FAM178B: variants seen among roughly 807,000 people sequenced by gnomAD.
FAM178B encodes the protein protein FAM178B.
A neutral mutation model predicts 91.7 loss-of-function variants in FAM178B; 82 were observed. The ratio of observed to expected loss-of-function variants is 0.89; its 90% CI spans 0.75 to 1.07. The LOEUF is 1.07. FAM178B is among the 50% of genes least tolerant of loss of function. The pLI is 0.00. For synonymous variants in FAM178B, 368 were observed against 359.4 expected, an observed-to-expected ratio of 1.02 and a Z score of -0.27; for missense variants, 769 against 846.7, an observed-to-expected ratio of 0.91 and a Z score of 1.14.
chr2:96,934,682 A>G (rs2081596025), intron 8 of FAM178B, among the ~76,000 whole-genome samples: 1 of 152,192 alleles, frequency 6.6e-6, no homozygotes, highest in Non-Finnish European at 1.5e-5. Flanking sequence ...GTGTCTAGGG[A>G]GACACTGCGA....
At chr2:96,966,619 G>A (rs896908127) in intron 5 of FAM178B, among the ~76,000 whole-genome samples, 4 of 152,162 alleles carry the variant, frequency 2.6e-5, no homozygotes, top group Non-Finnish European at 4.4e-5. Context: ...ATGGACACAT[G>A]GACAAATGGG....
At chr2:96,967,078 A>AGC (rs927046161) in intron 5 of FAM178B, among the ~76,000 whole-genome samples, 4 of 152,154 alleles carry the variant, frequency 2.6e-5, no homozygotes, top group Non-Finnish European at 5.9e-5. Flanking sequence ...AGATGAAGCC[A>AGC]GCCCTCCCTC....
At chr2:96,876,426 C>G (rs543151045) in intron 16 of FAM178B, 118 bp from the exon 17 acceptor site, 21 of 1,297,620 alleles carry the variant, frequency 1.6e-5, no homozygotes, top group East Asian at 2.5e-5. Context: ...TGCCAGGGGC[C>G]GAGTGAGCAG....
At chr2:96,984,441 G>C (rs1224204477) in intron 1 of FAM178B, among the ~76,000 whole-genome samples, 1 of 152,172 alleles carries the variant, frequency 6.6e-6, no homozygotes, top group African/African-American at 2.4e-5. Context: ...TACAGCAGCA[G>C]GAAGTTTCTG....
chr2:96,885,290 A>C (rs1469900019), intron 14 of FAM178B, among the ~76,000 whole-genome samples: 1 of 152,152 alleles, frequency 6.6e-6, no homozygotes, highest in African/African-American at 2.4e-5. Context: ...GCTGCAGAGG[A>C]CTCGGGGCCC....
chr2:96,946,642 C>T (rs890751723), intron 8 of FAM178B, among the ~76,000 whole-genome samples: 2 of 152,230 alleles, frequency 1.3e-5, no homozygotes, highest in Admixed American at 6.5e-5. Flanking sequence ...TCAGAGACAA[C>T]GTGGCAAGAA....
intron 5 of FAM178B, among the ~76,000 whole-genome samples, chr2:96,965,444 C>T (rs1305976705): frequency 2.0e-5 from 3 of 151,874 alleles, no homozygotes; most frequent in African/African-American, 2.4e-5. Context: ...CAGCATGTAG[C>T]GCAGTCAATC....
Position 96,910,612 on chromosome 2 carries a change from C to T in FAM178B, c.1563-7905G>A, listed in dbSNP as rs535005061. Among the ~76,000 whole-genome samples the T allele has an allele frequency of 4.0e-5, 6 of 151,784 alleles. 1 individual carries two copies. In the East Asian group the frequency reaches 5.8e-4, roughly 15 times the overall value. ...TCCCAACAACACTCCCGCTGGTCCA[C>T]GCCGTTTGTCCGGCTACCTTACTTT... On this transcript the variant is annotated intron_variant, in intron 12 of 16. Coordinates refer to ENST00000490605, the MANE Select transcript of FAM178B (RefSeq NM_001122646.3).
intron 13 of FAM178B, among the ~76,000 whole-genome samples, chr2:96,897,237 G>C (rs1559057920): frequency 2.0e-5 from 3 of 152,170 alleles, no homozygotes; most frequent in Non-Finnish European, 4.4e-5. Flanking sequence ...TCTGAGGGCA[G>C]TTTTTTCACT....
At chr2:96,942,970 T>C (rs1250438181) in intron 8 of FAM178B, among the ~76,000 whole-genome samples, 1 of 152,226 alleles carries the variant, frequency 6.6e-6, no homozygotes, top group Admixed American at 6.5e-5. Context: ...GCTAGACTCC[T>C]GTCTCAAACC....
Position 96,960,440 on chromosome 2 carries a change from C to T in FAM178B, c.735G>A (p.Arg245=). The T allele has an allele frequency of 6.5e-7, 1 of 1,538,890 alleles. No individual in the cohort carries two copies. Reference sequence around the variant, plus strand: ...ACACTGAGTACTTTTCCACCAGCATCCTGGCAAGGCAAGGGGCAGGAGGGC... The same window carrying T: ...ACACTGAGTACTTTTCCACCAGCATTCTGGCAAGGCAAGGGGCAGGAGGGC... The part of the protein sequence containing the change: ...EEEVPLTPEH[R]MLVEKYSVSL... Residue 245 remains arginine (R), a splice_region_variant and synonymous_variant, in exon 6 of 17, where the codon AGG becomes AGA. Coordinates refer to ENST00000490605, the MANE Select transcript of FAM178B (RefSeq NM_001122646.3).
At chr2:96,901,942 T>C (rs1300350692) in intron 13 of FAM178B, among the ~76,000 whole-genome samples, 1 of 152,034 alleles carries the variant, frequency 6.6e-6, no homozygotes, top group African/African-American at 2.4e-5. Context: ...AGATTACAGG[T>C]GCCCGCCACC....
intron 13 of FAM178B, among the ~76,000 whole-genome samples, chr2:96,901,394 G>A (rs575330639): frequency 2.0e-5 from 3 of 151,672 alleles, no homozygotes; most frequent in East Asian, 1.9e-4. Flanking sequence ...GGCTGGTCTC[G>A]AACTCCTGAC....
intron 12 of FAM178B, among the ~76,000 whole-genome samples, chr2:96,914,127 G>A (rs1000077926): frequency 4.6e-5 from 7 of 152,354 alleles, no homozygotes; most frequent in Admixed American, 1.3e-4. Context: ...GATGGACGGG[G>A]CCCTCCCGCC....
chr2:96,925,681 G>A (rs2081426208), intron 9 of FAM178B, among the ~76,000 whole-genome samples: 1 of 152,060 alleles, frequency 6.6e-6, no homozygotes, highest in Non-Finnish European at 1.5e-5. Flanking sequence ...CTGGCTCCAG[G>A]GTCTGTGGCC....
intron 1 of FAM178B, among the ~76,000 whole-genome samples, chr2:96,984,696 C>A (rs2082402313): frequency 6.6e-6 from 1 of 152,214 alleles, no homozygotes; most frequent in African/African-American, 2.4e-5. Flanking sequence ...CTGTTTCTTC[C>A]CTCTCCCAAC....
chr2:96,947,927 CA>C (rs1559090128), intron 7 of FAM178B, 25 bp from the exon 8 acceptor site: 2 of 1,343,680 alleles, frequency 1.5e-6, no homozygotes, highest in African/African-American at 3.1e-5. Context: ...AAAACAAAAA[CA>C]AAAACCTGGT....
At chr2:96,921,918 A>G (rs1198045638) in intron 10 of FAM178B, among the ~76,000 whole-genome samples, 5 of 152,092 alleles carry the variant, frequency 3.3e-5, no homozygotes, top group African/African-American at 1.2e-4. Context: ...GCTGAGACCT[A>G]CTGGGCTGCA....
intron 8 of FAM178B, among the ~76,000 whole-genome samples, chr2:96,935,323 G>A (rs891698487): frequency 1.3e-5 from 2 of 152,200 alleles, no homozygotes; most frequent in Non-Finnish European, 2.9e-5. Context: ...CCGTCTCTCA[G>A]CTCTGCTGTT....
Sources: allele counts gnomAD v4.1 joint callset (sites outside exome capture counted in the v4.1 genomes callset), GRCh38; gene constraint gnomAD v4.1.1; transcripts MANE v1.5; gene names NCBI Gene and HGNC (gene_info 2026-07-23, HGNC 2026-07-21).